The following MYCBP2 variants were observed in gnomAD, a reference collection of about 807,000 sequenced individuals.
MYCBP2 encodes the protein MYC binding protein 2.
A neutral mutation model predicts 525.3 loss-of-function variants in MYCBP2; 120 were observed. That is an observed-to-expected ratio of 0.23 (90% CI 0.20 to 0.27). The LOEUF is 0.27. Ranked by LOEUF, MYCBP2 falls within the 10% of genes least tolerant of loss-of-function variation. MYCBP2 has a pLI of 1.00. For synonymous variants in MYCBP2, 1,894 were observed against 1,955.8 expected (o/e 0.97, Z 0.83); for missense variants, 4,149 against 5,657.1 (o/e 0.73, Z 8.55).
rs531302442 is a variant in MYCBP2 at position 77,165,429 on chromosome 13, C to T, written c.6341-38G>A. On this transcript the variant is annotated intron_variant, in intron 41 of 82. Coordinates refer to ENST00000544440, the MANE Select transcript of MYCBP2 (RefSeq NM_015057.5). ...CCAGAATTGAGTTCAAACTCTAAAA[C>T]AATTTTATAAAAATTTCCCTGTCTT... is the stretch of plus-strand genomic sequence containing the variant. The T allele has an allele frequency of 5.2e-4, 749 of 1,431,598 alleles. 7 individuals carry two copies. In the South Asian group the frequency reaches 8.5e-3, roughly 16 times the overall value. The allele number at this position is 1,431,598 out of a possible 1,614,324, so 88.7% of individuals were successfully genotyped here.
chr13:77,117,281 A>C (rs1156402184), intron 55 of MYCBP2, among the ~76,000 whole-genome samples: 1 of 152,090 alleles, frequency 6.6e-6, no homozygotes, highest in African/African-American at 2.4e-5. Flanking sequence ...ATGAACGAAC[A>C]TGATAAGCTA....
chr13:77,212,205 A>T, intron 21 of MYCBP2, 45 bp from the exon 22 acceptor site: 2 of 1,541,994 alleles, frequency 1.3e-6, no homozygotes, highest in South Asian at 1.2e-5. Flanking sequence ...CTGTGTAAAC[A>T]ATCTAATTTT....
At chr13:77,184,841 T>C (rs2060575393) in intron 32 of MYCBP2, among the ~76,000 whole-genome samples, 1 of 152,152 alleles carries the variant, frequency 6.6e-6, no homozygotes, top group African/African-American at 2.4e-5. Flanking sequence ...GTTCTTTTCC[T>C]CTCTCCCTCT....
rs1317740807 is a variant in MYCBP2 at position 77,284,533 on chromosome 13, T to C, written c.594+3628A>G. Among the ~76,000 whole-genome samples, 7 of 152,198 alleles carry C rather than the reference T, an allele frequency of 4.6e-5. No homozygotes were observed. In the East Asian group the frequency reaches 1.2e-3, roughly 25 times the overall value. On this transcript the variant is annotated intron_variant, in intron 3 of 82. Transcript: ENST00000544440. ...ACCTGAAAGTTTCACTCCCCACCCA[T>C]AGTATCTGCTTGCCTCTGCATAGAG...
rs541438267 is a variant in MYCBP2 at position 77,194,114 on chromosome 13, T to C, written c.3935+39A>G. 4.6e-6 allele frequency: 6 copies of C among 1,290,566 alleles called. No homozygotes were observed. In the South Asian group the frequency reaches 8.4e-5, roughly 18 times the overall value. The allele number at this position is 1,290,566 out of a possible 1,614,324, so 79.9% of individuals were successfully genotyped here. ...TTTATAATAAATTTTTAATATTAAG[T>C]ATGCAAGAGTTACAATGAATAATGC... On this transcript the variant is annotated intron_variant, in intron 27 of 82. Coordinates refer to ENST00000544440, the MANE Select transcript of MYCBP2 (RefSeq NM_015057.5).
At chr13:77,319,410 T>C (rs1187796621) in intron 1 of MYCBP2, among the ~76,000 whole-genome samples, 1 of 152,172 alleles carries the variant, frequency 6.6e-6, no homozygotes, top group Non-Finnish European at 1.5e-5. Flanking sequence ...ACACTGACCT[T>C]AGCATAGCTG....
chr13:77,102,612 T>C (rs1257524727), intron 55 of MYCBP2, among the ~76,000 whole-genome samples: 2 of 151,422 alleles, frequency 1.3e-5, no homozygotes. Flanking sequence ...GTCAATAGTT[T>C]AAACATTTCT....
chr13:77,059,804 C>G (rs1260885410), intron 76 of MYCBP2, among the ~76,000 whole-genome samples, 178 bp from the exon 77 acceptor site: 2 of 151,990 alleles, frequency 1.3e-5, no homozygotes, highest in African/African-American at 4.8e-5. Context: ...AATAATGACA[C>G]ACAAAAAAAG....
chr13:77,189,091 T>C lies in MYCBP2; in HGVS notation c.4155-44A>G, dbSNP rs372808544. On this transcript the variant is annotated intron_variant, in intron 29 of 82. Coordinates refer to ENST00000544440, the MANE Select transcript of MYCBP2 (RefSeq NM_015057.5). ...TATAAAATTATGTTAGAAAGTCCAA[T>C]GTCATTTTTTCTTTTTAAAGTATAT... 425 of 1,377,350 alleles carry C rather than the reference T, an allele frequency of 3.1e-4. 1 individual carries two copies. The African/African-American group carries it at 5.6e-3, about 18-fold the overall frequency. The allele number at this position is 1,377,350 out of a possible 1,614,324, so 85.3% of individuals were successfully genotyped here.
At chr13:77,259,320 C>T (rs1388697452) in intron 13 of MYCBP2, among the ~76,000 whole-genome samples, 3 of 151,976 alleles carry the variant, frequency 2.0e-5, no homozygotes. Flanking sequence ...CCATTCAATA[C>T]CACTTCCCCA....
rs922223675 is a variant in MYCBP2 at position 77,167,791 on chromosome 13, G to A, written c.6114+637C>T. 7.2e-4 allele frequency among the ~76,000 whole-genome samples: 109 copies of A among 152,326 alleles called. 1 individual carries two copies. The highest frequency in any genetic ancestry group is 6.8e-3 in the Middle Eastern group (2 of 294). On this transcript the variant is annotated intron_variant, in intron 40 of 82. Transcript: ENST00000544440. Reference sequence around the variant, plus strand: ...ACAGGTCTGACTAACAGTTGAAACTGCTGAATCTGGGATGATGGATAAACA... The same window carrying A: ...ACAGGTCTGACTAACAGTTGAAACTACTGAATCTGGGATGATGGATAAACA...
chr13:77,099,905 T>C (rs772833087), intron 55 of MYCBP2: 1 of 152,146 alleles, frequency 6.6e-6, no homozygotes, highest in Non-Finnish European at 1.5e-5. Flanking sequence ...TCCTTCATTC[T>C]ATTTTATGCT....
intron 49 of MYCBP2, among the ~76,000 whole-genome samples, chr13:77,143,577 GC>G (rs2055029417): frequency 6.6e-6 from 1 of 152,126 alleles, no homozygotes; most frequent in Admixed American, 6.5e-5. Context: ...TGCAGGTGTG[GC>G]CCATAATGGG....
Position 77,081,760 on chromosome 13 carries a change from T to C in MYCBP2, c.11193+77A>G. 6 of 1,539,792 alleles carry C rather than the reference T, an allele frequency of 3.9e-6. No homozygotes were observed. Among genetic ancestry groups the C allele is most frequent in the Non-Finnish European group, 5.3e-6 (6 of 1,140,560 alleles). On this transcript the variant is annotated intron_variant, in intron 64 of 82. Coordinates refer to ENST00000544440, the MANE Select transcript of MYCBP2 (RefSeq NM_015057.5). This position sits in a 1 kb window ranked among gnomAD's most constrained non-coding sequence, Gnocchi z 4.6. The stretch of plus-strand genomic sequence containing the variant: ...TAATGGAAGACAGGATCAAATTGAT[T>C]ATGAATAACTTACAGTTTCTCCTTT...
intron 26 of MYCBP2, among the ~76,000 whole-genome samples, chr13:77,198,224 C>T (rs746235767): frequency 1.3e-5 from 2 of 152,170 alleles, no homozygotes; most frequent in Non-Finnish European, 2.9e-5. Context: ...CTACAAGAGT[C>T]CTAATCATTA....
intron 1 of MYCBP2, among the ~76,000 whole-genome samples, chr13:77,325,376 A>G (rs945748899): frequency 2.0e-5 from 3 of 152,246 alleles, no homozygotes; most frequent in Non-Finnish European, 4.4e-5. Flanking sequence ...AGATGAAGCC[A>G]ACTCCCAATT....
At chr13:77,165,042 TA>T (rs1284800894) in intron 42 of MYCBP2, among the ~76,000 whole-genome samples, 1 of 152,194 alleles carries the variant, frequency 6.6e-6, no homozygotes, top group Non-Finnish European at 1.5e-5. Flanking sequence ...AATTTCTTTT[TA>T]TTTTTTTTGT....
chr13:77,260,340 C>T (rs571819753), intron 13 of MYCBP2, 88 bp downstream of exon 13: 6 of 882,006 alleles, frequency 6.8e-6, no homozygotes, highest in Non-Finnish European at 9.7e-6. Flanking sequence ...AAGCATGCCA[C>T]CAACATAAAT....
At chr13:77,279,911 T>C (rs1021486902) in intron 3 of MYCBP2, among the ~76,000 whole-genome samples, 64 of 152,192 alleles carry the variant, frequency 4.2e-4, no homozygotes, top group Admixed American at 2.0e-4. Context: ...TTCCCAACCA[T>C]GTTGGGATCT....
Sources: gnomAD v4.1 joint callset for allele counts (sites outside exome capture counted in the v4.1 genomes callset) on GRCh38, gnomAD v4.1.1 for gene constraint, Gnocchi (gnomAD v3.1) non-coding constraint, MANE v1.5 for transcripts, NCBI Gene and HGNC (gene_info 2026-07-23, HGNC 2026-07-21) for gene names.